TOMM6: variants seen among roughly 807,000 people sequenced by gnomAD.
TOMM6 encodes mitochondrial import receptor subunit TOM6 homolog.
In TOMM6, 6 loss-of-function variants were observed where a neutral mutation model predicts 6.0. The observed-to-expected ratio is 1.00, with a 90% CI of 0.55 to 1.98. TOMM6 has a LOEUF of 1.98. TOMM6 is among the 30% of genes most tolerant of loss of function. The pLI, the probability that TOMM6 is intolerant of heterozygous loss-of-function variation, is 0.00. For synonymous variants in TOMM6, 44 were observed against 36.3 expected, an observed-to-expected ratio of 1.21 and a Z score of -0.76; for missense variants, 104 against 95.3, an observed-to-expected ratio of 1.09 and a Z score of -0.38.
In TOMM6 at chr6:41,789,518, C is replaced by T. The variant is rs1254273870; in HGVS notation, c.*9-50C>T. On this transcript the variant is annotated intron_variant, in intron 2 of 2. Coordinates refer to ENST00000398881, the MANE Select transcript of TOMM6 (RefSeq NM_001382294.1). ...AAGTATCTCTTACCAGTTTCCCTCC[C>T]ATACTTTTACAGTTCTAATGCCACC... 6.9e-5 allele frequency: 38 copies of T among 554,004 alleles called. 1 individual carries two copies. Among genetic ancestry groups the T allele is most frequent in the South Asian group, 4.7e-4 (23 of 49,174 alleles). 34.3% of individuals were successfully genotyped at this position (554,004 alleles called of 1,614,324 possible). A position where few individuals can be genotyped will look rare whatever the true frequency, so the allele number is the denominator to read the frequency against.
rs766364056 is a variant in TOMM6, at chr6:41,789,710, TC to T, written c.*153del. 4.4e-6 allele frequency: 1 copy of T among 225,874 alleles called. No individual in the cohort carries two copies. Among genetic ancestry groups the T allele is most frequent in the Non-Finnish European group, 9.1e-6 (1 of 109,902 alleles). The allele number at this position is 225,874 out of a possible 1,614,324, so 14.0% of individuals were successfully genotyped here. ...CCTTCCCTGCCTAGTTTCCTTTTGT[TC>T]CTTGAGTCCACGCAGAATTCCATTC... On this transcript the variant is annotated 3_prime_UTR_variant, in exon 3 of 3. Coordinates refer to ENST00000398881, the MANE Select transcript of TOMM6 (RefSeq NM_001382294.1).
rs1772759273 is a variant in TOMM6, at chr6:41,789,655, A to C, written c.*96A>C. 3.7e-6 allele frequency: 1 copy of C among 267,644 alleles called. No individual in the cohort carries two copies. Among genetic ancestry groups the C allele is most frequent in the African/African-American group, 2.2e-5 (1 of 46,140 alleles). The allele number at this position is 267,644 out of a possible 1,614,324, so 16.6% of individuals were successfully genotyped here. A position where few individuals can be genotyped will look rare whatever the true frequency, so the allele number is the denominator to read the frequency against. The stretch of plus-strand genomic sequence containing the variant: ...ACAAGATGTGCCCTGATGGCAGCTG[A>C]AGTTTGATTCAGATGGGCACTTTTC... On this transcript the variant is annotated 3_prime_UTR_variant, in exon 3 of 3. Coordinates refer to ENST00000398881, the MANE Select transcript of TOMM6 (RefSeq NM_001382294.1).
rs919701516 is a variant in TOMM6 at position 41,787,751 on chromosome 6, C to T, written c.54C>T (p.Pro18=). 3 of 1,551,734 alleles carry T rather than the reference C, an allele frequency of 1.9e-6. No individual in the cohort carries two copies. The highest frequency in any genetic ancestry group is 4.9e-5 in the East Asian group (2 of 40,922). ...CTGCTGGCTCGGCTAATGAAACTCC[C>T]GAAATACCGGACAACGTGGGAGATT... ...VSAAGSANET[P]EIPDNVGDWL... Residue 18 remains proline, a synonymous_variant, in exon 1 of 3, where the codon CCC becomes CCT. Transcript: ENST00000398881.
rs1434625930 is a variant in TOMM6 at position 41,787,705 on chromosome 6, C to T, written c.8C>T (p.Ser3Phe). Residue 3 changes from serine to phenylalanine, a missense_variant, in exon 1 of 3, where the codon TCC (serine) becomes TTC (phenylalanine). Ser to Phe is a radical substitution (Grantham distance 155). Coordinates refer to ENST00000398881, the MANE Select transcript of TOMM6 (RefSeq NM_001382294.1). MA[S>F]STVPVSAAGS... ...CATGCGAAGCTTTCCACTATGGCTT[C>T]CAGCACTGTCCCGGTGAGCGCTGCT... The T allele has an allele frequency of 6.4e-7, 1 of 1,551,700 alleles. No individual in the cohort carries two copies. Among genetic ancestry groups the T allele is most frequent in the Non-Finnish European group, 8.7e-7 (1 of 1,146,972 alleles).
chr6:41,788,531 C>G (rs950303588), intron 1 of TOMM6, among the ~76,000 whole-genome samples: 1 of 146,678 alleles, frequency 6.8e-6, no homozygotes. Flanking sequence ...CGGCTCACTG[C>G]CCCTTCTGCC....
rs1160140846 is a variant in TOMM6, at chr6:41,789,812, G to T, written c.*253G>T. The T allele has an allele frequency of 1.3e-5, 2 of 153,378 alleles. No individual in the cohort carries two copies. The highest frequency in any genetic ancestry group is 2.9e-5 in the Non-Finnish European group (2 of 68,754). 9.5% of individuals were successfully genotyped at this position (153,378 alleles called of 1,614,324 possible). On this transcript the variant is annotated 3_prime_UTR_variant, in exon 3 of 3. Coordinates refer to ENST00000398881, the MANE Select transcript of TOMM6 (RefSeq NM_001382294.1). ...TTCTGTACATAGTTCCCAAGCTTCT[G>T]CAGGGGGTGATTTTTGCTCTTGTCC... is the stretch of plus-strand genomic sequence containing the variant.
rs1581982927 is a variant in TOMM6 at position 41,789,469 on chromosome 6, G to A, written c.*9-99G>A. ...CCCTTAACTATTCCTAGTTAAATGT[G>A]TTTTCAGATGTTGAAAGGGATTTAA... On this transcript the variant is annotated intron_variant, in intron 2 of 2. Coordinates refer to ENST00000398881, the MANE Select transcript of TOMM6 (RefSeq NM_001382294.1). 1.7e-4 allele frequency: 120 copies of A among 698,946 alleles called. 3 individuals carry two copies. In the South Asian group the frequency reaches 2.1e-3, roughly 12 times the overall value. 43.3% of individuals were successfully genotyped at this position (698,946 alleles called of 1,614,324 possible).
At position 41,787,786 on chromosome 6, in the gene TOMM6, G is replaced by A; in HGVS notation, c.89G>A (p.Gly30Asp). The A allele has an allele frequency of 6.4e-7, 1 of 1,551,806 alleles. No individual in the cohort carries two copies. Residue 30 changes from glycine to aspartate, a missense_variant, in exon 1 of 3, where the codon GGC (glycine) becomes GAC (aspartate). Gly to Asp is a moderately conservative substitution (Grantham distance 94). Coordinates refer to ENST00000398881, the MANE Select transcript of TOMM6 (RefSeq NM_001382294.1). Reference protein sequence around the residue: ...IPDNVGDWLRGVYRFATDRND... With the variant: ...IPDNVGDWLRDVYRFATDRND... ...GACAACGTGGGAGATTGGCTTCGGG[G>A]CGTCTACCGCTTTGCCACTGATAGG...
intron 1 of TOMM6, among the ~76,000 whole-genome samples, chr6:41,788,837 C>T (rs1772738839): frequency 6.6e-6 from 1 of 150,566 alleles, no homozygotes; most frequent in Admixed American, 6.6e-5. Context: ...CCTCCGCCTC[C>T]CGGGTTCAAG....
Position 41,789,214 on chromosome 6 carries a change from AAC to A in TOMM6, c.129-14_129-13del, listed in dbSNP as rs752481570. 1.9e-6 allele frequency: 3 copies of A among 1,549,000 alleles called. No individual in the cohort carries two copies. The highest frequency in any genetic ancestry group is 2.0e-5 in the Admixed American group (1 of 50,996). On this transcript the variant is annotated splice_polypyrimidine_tract_variant and intron_variant, in intron 1 of 2. Transcript: ENST00000398881. ...GACTCAGTGACCACAGGGTTAATAA[AAC>A]ACATTGTTTTTCCAGGAACTTGATA...
At position 41,789,259 on chromosome 6, in the gene TOMM6, T is replaced by C; in HGVS notation, c.156T>C (p.Phe52=). 6 of 1,551,312 alleles carry C rather than the reference T, an allele frequency of 3.9e-6. No individual in the cohort carries two copies. Among genetic ancestry groups the C allele is most frequent in the Non-Finnish European group, 5.2e-6 (6 of 1,146,970 alleles). The change falls in exon 2 of 3, where the codon TTT becomes TTC. Residue 52 remains phenylalanine, a synonymous_variant. Coordinates refer to ENST00000398881, the MANE Select transcript of TOMM6 (RefSeq NM_001382294.1). ...ACTTGATACTAAATTTGGGACTCTT[T>C]GCTGCGGGAGTTTGGCTGGCCAGGA... ...RRNLILNLGL[F]AAGVWLARNL...
At chr6:41,789,467 G>C (rs919911935) in intron 2 of TOMM6, 101 bp from the exon 3 acceptor site, 2 of 724,440 alleles carry the variant, frequency 2.8e-6, no homozygotes, top group African/African-American at 3.6e-5. Context: ...CTAGTTAAAT[G>C]TGTTTTCAGA....
chr6:41,789,162 C>G (rs1772746952), intron 1 of TOMM6, 70 bp from the exon 2 acceptor site: 1 of 1,381,178 alleles, frequency 7.2e-7, no homozygotes, highest in African/African-American at 1.4e-5. Flanking sequence ...GCCTTTCCCC[C>G]CAGTACATTT....
In TOMM6 at chr6:41,787,870, C is replaced by T. The variant is rs753540126; in HGVS notation, c.128+45C>T. On this transcript the variant is annotated intron_variant, in intron 1 of 2. Transcript: ENST00000398881. ...TTGGTCCTTTTCTGGCCCTTAAATC[C>T]GTATTTCCCCTTTCTTGCGAGGCTG... is the stretch of plus-strand genomic sequence containing the variant. 2.5e-5 allele frequency: 39 copies of T among 1,538,598 alleles called. No individual in the cohort carries two copies. In the African/African-American group the frequency reaches 4.6e-4, roughly 18 times the overall value.
Position 41,787,716 on chromosome 6 carries a change from C to G in TOMM6, c.19C>G (p.Pro7Ala), listed in dbSNP as rs764280727. The change falls in exon 1 of 3, where the codon CCG (proline) becomes GCG (alanine). Residue 7 changes from proline (P) to alanine (A), a missense_variant. Coordinates refer to ENST00000398881, the MANE Select transcript of TOMM6 (RefSeq NM_001382294.1). ...TTCCACTATGGCTTCCAGCACTGTC[C>G]CGGTGAGCGCTGCTGGCTCGGCTAA... MASSTVPVSAAGSANET... is the reference protein window; with the variant it reads MASSTVAVSAAGSANET... The G allele has an allele frequency of 1.9e-6, 3 of 1,551,700 alleles. No individual in the cohort carries two copies. The highest frequency in any genetic ancestry group is 2.6e-6 in the Non-Finnish European group (3 of 1,146,978).
In TOMM6 at chr6:41,789,330, C is replaced by G; in HGVS notation, c.*2C>G. The G allele has an allele frequency of 1.9e-6, 3 of 1,551,226 alleles. No homozygotes were observed. ...ATGGCACCTCAGCCAGGGGTGTAGC[C>G]AAGTAGGTAAGCACTGAACTACACC... On this transcript the variant is annotated 3_prime_UTR_variant, in exon 2 of 3. Coordinates refer to ENST00000398881, the MANE Select transcript of TOMM6 (RefSeq NM_001382294.1).
intron 1 of TOMM6, 67 bp from the exon 2 acceptor site, chr6:41,789,165 G>A: frequency 7.1e-7 from 1 of 1,417,008 alleles, no homozygotes; most frequent in Non-Finnish European, 9.7e-7. Context: ...TTTCCCCCCA[G>A]TACATTTCGT....
intron 1 of TOMM6, 88 bp downstream of exon 1, chr6:41,787,913 G>A: frequency 6.7e-7 from 1 of 1,502,942 alleles, no homozygotes; most frequent in Non-Finnish European, 8.9e-7. Context: ...AGGGTTTTTT[G>A]TTTTTGTTTT....
intron 1 of TOMM6, 35 bp downstream of exon 1, chr6:41,787,860 C>T: frequency 1.9e-6 from 3 of 1,547,788 alleles, no homozygotes; most frequent in East Asian, 4.9e-5. Context: ...CCTTTTCTGG[C>T]CCTTAAATCC....
Sources: gnomAD v4.1 joint callset for allele counts (sites outside exome capture counted in the v4.1 genomes callset) on GRCh38, gnomAD v4.1.1 for gene constraint, MANE v1.5 for transcripts, NCBI Gene and HGNC (gene_info 2026-07-23, HGNC 2026-07-21) for gene names.